The following RUVBL2 variants were observed in gnomAD, a reference collection of about 807,000 sequenced individuals.
RUVBL2 encodes the protein RuvB like AAA ATPase 2.
In RUVBL2, 9 loss-of-function variants were observed where a neutral mutation model predicts 57.9. The ratio of observed to expected loss-of-function variants is 0.16; its 90% CI spans 0.09 to 0.27. The LOEUF is 0.27. RUVBL2 is among the 10% of genes least tolerant of loss of function. The pLI, the probability that RUVBL2 is intolerant of heterozygous loss-of-function variation, is 1.00. For missense variants in RUVBL2, 456 were observed against 669.6 expected (o/e 0.68, Z 3.52); for synonymous variants, 278 against 264.6 (o/e 1.05, Z -0.49).
chr19:49,004,370 G>A lies in RUVBL2; in HGVS notation c.217G>A (p.Val73Ile), dbSNP rs1233838383. 1.2e-6 allele frequency: 2 copies of A among 1,613,384 alleles called. No individual in the cohort carries two copies. Among genetic ancestry groups the A allele is most frequent in the South Asian group, 2.2e-5 (2 of 91,070 alleles). Residue 73 changes from valine (V) to isoleucine (I), a missense_variant, in exon 4 of 15, where the codon GTC becomes ATC. Transcript: ENST00000595090. ...IREGKIAGRA[V>I]LIAGQPGTGK... ...GGAAGGGAAGATTGCCGGTCGGGCAGTCCTTATTGCTGGCCAGCCGGGCAC... is the reference window on the plus strand; with the variant it reads ...GGAAGGGAAGATTGCCGGTCGGGCAATCCTTATTGCTGGCCAGCCGGGCAC...
At chr19:49,007,431 G>T in intron 6 of RUVBL2, 63 bp downstream of exon 6, 1 of 1,479,102 alleles carries the variant, frequency 6.8e-7, no homozygotes, top group Non-Finnish European at 9.4e-7. Flanking sequence ...GGAGAGAGTA[G>T]ATATCAGGTC....
rs2039299877 is a variant in RUVBL2, at chr19:49,007,231, A to G, written c.396-71A>G. On this transcript the variant is annotated intron_variant, in intron 5 of 14. Coordinates refer to ENST00000595090, the MANE Select transcript of RUVBL2 (RefSeq NM_006666.3). The stretch of plus-strand genomic sequence containing the variant: ...CCGGGCGGCTCGTCCTTTGTCCCAG[A>G]GCTCATGGAAGGTTGTGATTCCCGA... 16 of 1,606,982 alleles carry G rather than the reference A, an allele frequency of 1.0e-5. No homozygotes were observed. The Middle Eastern group carries it at 5.0e-4, about 50-fold the overall frequency.
At chr19:49,002,222 T>C (rs2039198092) in intron 2 of RUVBL2, among the ~76,000 whole-genome samples, 1 of 152,038 alleles carries the variant, frequency 6.6e-6, no homozygotes, top group Admixed American at 6.6e-5. Context: ...CTAATTTTTG[T>C]ATTTTTTAGT....
chr19:49,003,244 T>C, intron 2 of RUVBL2, 35 bp from the exon 3 acceptor site: 1 of 1,534,676 alleles, frequency 6.5e-7, no homozygotes. Flanking sequence ...GCAAGCTGGC[T>C]AGTAACTGAG....
intron 4 of RUVBL2, among the ~76,000 whole-genome samples, chr19:49,005,027 A>C (rs2039256483): frequency 6.6e-6 from 1 of 151,324 alleles, no homozygotes. Context: ...GAAGAAGGGG[A>C]AGGTGGGTAT....
Position 49,014,580 on chromosome 19 carries a change from C to G in RUVBL2, c.1098C>G (p.Asp366Glu), listed in dbSNP as rs1235149004. 6.2e-7 allele frequency: 1 copy of G among 1,613,998 alleles called. No homozygotes were observed. Among genetic ancestry groups the G allele is most frequent in the Non-Finnish European group, 8.5e-7 (1 of 1,180,014 alleles). Residue 366 changes from aspartate (D) to glutamate (E), a missense_variant, in exon 12 of 15, where the codon GAC becomes GAG. Transcript: ENST00000595090. Reference protein sequence around the residue: ...IVSTTPYSEKDTKQILRIRCE... With the variant: ...IVSTTPYSEKETKQILRIRCE... ...CCACCACCCCCTACAGCGAGAAAGA[C>G]ACGAAGCAGATCCTCCGCATCCGGT...
At chr19:49,012,102 G>T (rs141762344) in intron 11 of RUVBL2, among the ~76,000 whole-genome samples, 1 of 152,238 alleles carries the variant, frequency 6.6e-6, no homozygotes, top group Non-Finnish European at 1.5e-5. Flanking sequence ...CCATTCCATT[G>T]CCCGGCACTG....
intron 11 of RUVBL2, among the ~76,000 whole-genome samples, chr19:49,012,825 C>T (rs1296543331): frequency 1.3e-5 from 2 of 149,600 alleles, no homozygotes; most frequent in Admixed American, 1.3e-4. Context: ...TCATGGCACA[C>T]TGCAGCCTCA....
intron 1 of RUVBL2, among the ~76,000 whole-genome samples, chr19:48,998,172 C>G (rs115986262): frequency 0.013 from 1,920 of 152,306 alleles, 45 homozygotes; most frequent in African/African-American, 0.043. Flanking sequence ...CCTGGCAGGG[C>G]TGTTGGACAG....
chr19:49,002,995 T>C (rs2039214022), intron 2 of RUVBL2, among the ~76,000 whole-genome samples: 1 of 152,224 alleles, frequency 6.6e-6, no homozygotes, highest in Non-Finnish European at 1.5e-5. Flanking sequence ...TGTGGTTAGA[T>C]CTTAGTACAA....
intron 1 of RUVBL2, among the ~76,000 whole-genome samples, chr19:48,997,583 T>C (rs1390765554): frequency 2.8e-4 from 42 of 148,946 alleles, no homozygotes; most frequent in Non-Finnish European, 5.5e-4. Context: ...GAGCCAAGAT[T>C]GCGCCATTGC....
chr19:49,010,324 A>AG (rs2039388571), intron 8 of RUVBL2, 164 bp from the exon 9 acceptor site: 6 of 739,260 alleles, frequency 8.1e-6, no homozygotes, highest in Admixed American at 2.6e-5. Flanking sequence ...GAATGTCCCT[A>AG]GTCCTGACTA....
intron 6 of RUVBL2, 23 bp downstream of exon 6, chr19:49,007,391 C>T: frequency 6.2e-7 from 1 of 1,605,606 alleles, no homozygotes; most frequent in Non-Finnish European, 8.5e-7. Context: ...GAGTCTGTAC[C>T]CTGCTGAGGC....
At chr19:49,003,447 T>C in intron 3 of RUVBL2, 113 bp downstream of exon 3, 1 of 913,960 alleles carries the variant, frequency 1.1e-6, no homozygotes, top group Non-Finnish European at 1.7e-6. Context: ...GACCTTTGGC[T>C]ACATACCCAT....
chr19:49,007,003 C>T lies in RUVBL2; in HGVS notation c.266-15C>T. On this transcript the variant is annotated splice_polypyrimidine_tract_variant and intron_variant, in intron 4 of 14. Coordinates refer to ENST00000595090, the MANE Select transcript of RUVBL2 (RefSeq NM_006666.3). ...GCCAGAGCGGCTTCACCTACACAGA[C>T]TGCCTCCTTCCCAGGCATGGCGCAG... 1 of 1,612,018 alleles carries T rather than the reference C, an allele frequency of 6.2e-7. No homozygotes were observed. The highest frequency in any genetic ancestry group is 8.5e-7 in the Non-Finnish European group (1 of 1,179,416).
chr19:49,010,238 C>G, intron 8 of RUVBL2, 172 bp downstream of exon 8: 1 of 737,466 alleles, frequency 1.4e-6, no homozygotes, highest in Non-Finnish European at 2.2e-6. Flanking sequence ...CAGCCTGGCA[C>G]TATAGCTTCG....
At chr19:49,007,906 A>G (rs1004295496) in intron 6 of RUVBL2, among the ~76,000 whole-genome samples, 2 of 150,534 alleles carry the variant, frequency 1.3e-5, no homozygotes, top group South Asian at 2.1e-4. Flanking sequence ...ACGGGGTTTC[A>G]CCATGTTGGC....
chr19:49,008,450 G>A (rs2039329684), intron 6 of RUVBL2, among the ~76,000 whole-genome samples: 1 of 149,564 alleles, frequency 6.7e-6, no homozygotes, highest in South Asian at 2.1e-4. Flanking sequence ...CTGTGGTCTC[G>A]ATCTCCTGAC....
rs933095663 is a variant in RUVBL2, at chr19:48,999,508, A to T, written c.67+135A>T. 1.3e-5 allele frequency: 11 copies of T among 853,610 alleles called. No individual in the cohort carries two copies. In the African/African-American group the frequency reaches 1.5e-4, roughly 12 times the overall value. 52.9% of individuals were successfully genotyped at this position (853,610 alleles called of 1,614,324 possible). ...ACTGTGCCCCCACTACCATTCCCCC[A>T]CTCGCCCTATCTAATGGGGGAGGAG... On this transcript the variant is annotated intron_variant, in intron 2 of 14. Coordinates refer to ENST00000595090, the MANE Select transcript of RUVBL2 (RefSeq NM_006666.3).
Sources: gnomAD v4.1 joint callset for allele counts (sites outside exome capture counted in the v4.1 genomes callset) on GRCh38, gnomAD v4.1.1 for gene constraint, MANE v1.5 for transcripts, NCBI Gene and HGNC (gene_info 2026-07-23, HGNC 2026-07-21) for gene names.